ATP13A3: variants seen among roughly 807,000 people sequenced by gnomAD.
ATP13A3 encodes the protein ATPase 13A3.
In ATP13A3, 59 loss-of-function variants were observed where a neutral mutation model predicts 158.1. The observed-to-expected ratio is 0.37, with a 90% CI of 0.30 to 0.46. The LOEUF is 0.46. Among genes scored for constraint, ATP13A3 ranks in the 20% least tolerant of loss-of-function variants. The pLI is 1.00. For missense variants in ATP13A3, 1,166 were observed against 1,525.2 expected (o/e 0.76, Z 3.92); for synonymous variants, 491 against 504.3 (o/e 0.97, Z 0.35).
intron 20 of ATP13A3, among the ~76,000 whole-genome samples, chr3:194,434,701 G>C (rs1717492862): frequency 6.6e-6 from 1 of 152,172 alleles, no homozygotes; most frequent in Admixed American, 6.5e-5. Flanking sequence ...AGGATTGCTT[G>C]AACCTAGGAG....
intron 33 of ATP13A3, 108 bp downstream of exon 33, chr3:194,412,091 G>A (rs1560068148): frequency 9.3e-6 from 8 of 861,722 alleles, no homozygotes; most frequent in Admixed American, 2.1e-5. Context: ...ACAAGAACAC[G>A]CTAGAGAATA....
intron 2 of ATP13A3, among the ~76,000 whole-genome samples, chr3:194,481,750 A>G (rs1185162237): frequency 2.6e-5 from 4 of 152,216 alleles, no homozygotes; most frequent in Admixed American, 2.0e-4. Flanking sequence ...TCCAGACCAC[A>G]TAATTAGGAA....
chr3:194,453,322 G>T (rs1300270965), intron 10 of ATP13A3, among the ~76,000 whole-genome samples: 2 of 150,052 alleles, frequency 1.3e-5, no homozygotes, highest in Non-Finnish European at 3.0e-5. Context: ...GCACAGTGCA[G>T]TGGCTCAAAC....
chr3:194,488,049 GGA>G (rs1721076932), upstream of ATP13A3: 1 of 152,396 alleles, frequency 6.6e-6, no homozygotes, highest in Non-Finnish European at 1.5e-5. This position sits in a 1 kb window ranked among gnomAD's most constrained non-coding sequence, Gnocchi z 4.1. Context: ...CCTGCGGGCA[GGA>G]GGGCGCCACA....
chr3:194,475,038 G>A (rs1372532538), intron 2 of ATP13A3, among the ~76,000 whole-genome samples: 2 of 152,152 alleles, frequency 1.3e-5, no homozygotes, highest in Non-Finnish European at 2.9e-5. Context: ...GCGCAGCACG[G>A]TGGAGAGGAA....
intron 10 of ATP13A3, among the ~76,000 whole-genome samples, chr3:194,453,217 A>G (rs922151389): frequency 2.8e-5 from 4 of 145,228 alleles, no homozygotes; most frequent in African/African-American, 1.0e-4. Flanking sequence ...TGGGAGGCTG[A>G]GACAGGAGGG....
intron 21 of ATP13A3, among the ~76,000 whole-genome samples, chr3:194,432,602 C>T (rs778049307): frequency 3.9e-5 from 6 of 151,918 alleles, no homozygotes; most frequent in Non-Finnish European, 7.4e-5. Flanking sequence ...AAGAGGAGGA[C>T]GAGGAACAGG....
chr3:194,468,733 T>C (rs1720149392), intron 2 of ATP13A3, among the ~76,000 whole-genome samples: 1 of 152,208 alleles, frequency 6.6e-6, no homozygotes. Flanking sequence ...AATTCCAAAG[T>C]AGGTAATTTC....
At chr3:194,470,243 A>C (rs1261640673) in intron 2 of ATP13A3, among the ~76,000 whole-genome samples, 1 of 152,142 alleles carries the variant, frequency 6.6e-6, no homozygotes, top group African/African-American at 2.4e-5. Context: ...CCAAACCAAG[A>C]CTGTATTTAC....
chr3:194,417,827 G>A (rs1172591153), intron 31 of ATP13A3, among the ~76,000 whole-genome samples: 1 of 151,894 alleles, frequency 6.6e-6, no homozygotes, highest in Non-Finnish European at 1.5e-5. Flanking sequence ...TGGGTGTGGT[G>A]GTGCACAACT....
At chr3:194,447,533 A>C (rs2108895109) in intron 13 of ATP13A3, among the ~76,000 whole-genome samples, 1 of 152,070 alleles carries the variant, frequency 6.6e-6, no homozygotes. Context: ...GAGGTAAAAA[A>C]GAGAAAATAA....
intron 31 of ATP13A3, among the ~76,000 whole-genome samples, chr3:194,415,661 C>CT (rs751005733): frequency 0.026 from 2,324 of 90,910 alleles, 296 homozygotes; most frequent in Non-Finnish European, 0.03. Flanking sequence ...ATACCACATT[C>CT]TTTTTTTTTT....
At chr3:194,428,136 G>C (rs1051772225) in intron 28 of ATP13A3, among the ~76,000 whole-genome samples, 1 of 150,548 alleles carries the variant, frequency 6.6e-6, no homozygotes, top group Non-Finnish European at 1.5e-5. Flanking sequence ...CAGGAGAATC[G>C]CTTGAACTCG....
intron 27 of ATP13A3, 32 bp downstream of exon 27, chr3:194,429,642 TTAAG>T (rs763396134): frequency 2.7e-6 from 4 of 1,484,142 alleles, no homozygotes; most frequent in Non-Finnish European, 3.7e-6. Context: ...ACGGTGCACA[TTAAG>T]TGTTATCTCT....
chr3:194,474,280 C>T (rs1720432284), intron 2 of ATP13A3, among the ~76,000 whole-genome samples: 1 of 152,044 alleles, frequency 6.6e-6, no homozygotes, highest in South Asian at 2.1e-4. Flanking sequence ...CTCCCTTGAG[C>T]AGGAAGGGGC....
rs748793955 is a variant in ATP13A3, at chr3:194,441,432, T to C, written c.1589A>G (p.Asn530Ser). The change falls in exon 16 of 34, where the codon AAT (asparagine) becomes AGT (serine). Residue 530 changes from asparagine to serine, a missense_variant. Physicochemically the swap from Asn to Ser is conservative, Grantham distance 46. Around this residue, in one of 3 missense-constraint regions of ATP13A3, gnomAD observed 997 missense variants for 1,341.2 expected, o/e 0.74. Transcript: ENST00000645319. ...AAACTGGGATTTTACCAACATCTCA[T>C]TGCACACATTTTCTTCTGGTGAAAG... ...RFLSPEENVC[N>S]EMLVKSQFVA... 1.9e-6 allele frequency: 3 copies of C among 1,613,532 alleles called. No individual in the cohort carries two copies. The highest frequency in any genetic ancestry group is 1.1e-5 in the South Asian group (1 of 91,042).
At position 194,423,496 on chromosome 3, in the gene ATP13A3, C is replaced by G. The variant is rs558864189; in HGVS notation, c.3313+1846G>C. 2.6e-5 allele frequency among the ~76,000 whole-genome samples: 4 copies of G among 152,318 alleles called. No individual in the cohort carries two copies. In the East Asian group the frequency reaches 7.7e-4, roughly 29 times the overall value. ...CTGCATGGATCCAGTGACACACAGA[C>G]AAGAGGTGAAAACTGGCAGAATGCC... On this transcript the variant is annotated intron_variant, in intron 30 of 33. Transcript: ENST00000645319.
At chr3:194,475,102 G>A (rs1185040214) in intron 2 of ATP13A3, among the ~76,000 whole-genome samples, 1 of 152,126 alleles carries the variant, frequency 6.6e-6, no homozygotes, top group Non-Finnish European at 1.5e-5. Context: ...ATAGGGAAGA[G>A]TAGAGAAGAA....
chr3:194,414,332 G>A (rs565350133), intron 31 of ATP13A3, among the ~76,000 whole-genome samples: 6 of 152,008 alleles, frequency 3.9e-5, no homozygotes, highest in Non-Finnish European at 7.4e-5. Flanking sequence ...GCGAGGTGGT[G>A]CATGCCTATA....
Sources: gnomAD v4.1 joint callset for allele counts (sites outside exome capture counted in the v4.1 genomes callset) on GRCh38, gnomAD v4.1.1 for gene constraint, gnomAD v4.1.1 regional missense constraint, Gnocchi (gnomAD v3.1) non-coding constraint, MANE v1.5 for transcripts, NCBI Gene and HGNC (gene_info 2026-07-23, HGNC 2026-07-21) for gene names.